CORO2A: variants seen among roughly 807,000 people sequenced by gnomAD.
CORO2A encodes coronin-2A.
In CORO2A, 47 loss-of-function variants were observed where a neutral mutation model predicts 62.4. That is an observed-to-expected ratio of 0.75 (90% CI 0.60 to 0.96). CORO2A has a LOEUF of 0.96. CORO2A is among the 40% of genes least tolerant of loss of function. The pLI, the probability that CORO2A is intolerant of heterozygous loss-of-function variation, is 0.00. For synonymous variants in CORO2A, 273 were observed against 268.9 expected (o/e 1.02, Z -0.15); for missense variants, 610 against 684.1 (o/e 0.89, Z 1.21).
chr9:98,152,464 A>AT (rs939983201), intron 2 of CORO2A, among the ~76,000 whole-genome samples: 1 of 151,522 alleles, frequency 6.6e-6, no homozygotes, highest in African/African-American at 2.4e-5. Flanking sequence ...TAATTTTTGC[A>AT]TTTTTTGTAG....
intron 1 of CORO2A, among the ~76,000 whole-genome samples, chr9:98,184,724 C>T (rs1390731162): frequency 1.3e-5 from 2 of 152,164 alleles, no homozygotes; most frequent in Non-Finnish European, 2.9e-5. Flanking sequence ...AAGCCACACC[C>T]AGGCACAGAA....
At chr9:98,166,479 G>A (rs1203347802) in intron 1 of CORO2A, among the ~76,000 whole-genome samples, 1 of 152,198 alleles carries the variant, frequency 6.6e-6, no homozygotes, top group African/African-American at 2.4e-5. Flanking sequence ...AGGTGTTAAT[G>A]TTGAGAATAT....
intron 2 of CORO2A, among the ~76,000 whole-genome samples, chr9:98,143,692 C>T (rs1349409312): frequency 6.6e-6 from 1 of 152,184 alleles, no homozygotes; most frequent in African/African-American, 2.4e-5. Flanking sequence ...CAGCTCATTA[C>T]CATTACCCAG....
intron 1 of CORO2A, among the ~76,000 whole-genome samples, chr9:98,160,907 G>T (rs1827875801): frequency 6.6e-6 from 1 of 152,182 alleles, no homozygotes; most frequent in Admixed American, 6.5e-5. Context: ...CATGAGACCT[G>T]CCTGTGACCC....
intron 2 of CORO2A, among the ~76,000 whole-genome samples, chr9:98,139,911 G>C (rs551910704): frequency 6.6e-6 from 1 of 152,254 alleles, no homozygotes; most frequent in African/African-American, 2.4e-5. Context: ...ATAGGTGCTG[G>C]GAGGGACATA....
intron 1 of CORO2A, among the ~76,000 whole-genome samples, chr9:98,179,136 G>C (rs983402486): frequency 6.6e-6 from 1 of 152,174 alleles, no homozygotes; most frequent in Admixed American, 6.5e-5. Flanking sequence ...AATCAAACCA[G>C]CTCTTGGGCT....
chr9:98,134,135 C>T (rs1827451146), intron 4 of CORO2A, among the ~76,000 whole-genome samples: 1 of 152,162 alleles, frequency 6.6e-6, no homozygotes, highest in Admixed American at 6.5e-5. Context: ...AACTGAAAGG[C>T]CATAGCTATG....
intron 1 of CORO2A, among the ~76,000 whole-genome samples, chr9:98,162,916 G>A (rs1827905475): frequency 6.6e-6 from 1 of 152,244 alleles, no homozygotes; most frequent in Non-Finnish European, 1.5e-5. Flanking sequence ...GGCCAGAACA[G>A]CCGATTCGAG....
At position 98,133,058 on chromosome 9, in the gene CORO2A, G is replaced by C. The variant is rs775356242; in HGVS notation, c.628C>G (p.Arg210Gly). Residue 210 changes from arginine to glycine, a missense_variant, in exon 5 of 12, where the codon CGA becomes GGA. Arg to Gly is a moderately radical substitution (Grantham distance 125). Transcript: ENST00000375077. ...KDRKIRVIDP[R>G]AGTVLQEASY... ...CTGACCTGGAGGACGGTCCCTGCTCGGGGGTCAATAACCCGAATCTTGCGG... is the reference window on the plus strand; with the variant it reads ...CTGACCTGGAGGACGGTCCCTGCTCCGGGGTCAATAACCCGAATCTTGCGG... 1 of 1,614,196 alleles carries C rather than the reference G, an allele frequency of 6.2e-7. No homozygotes were observed. The highest frequency in any genetic ancestry group is 1.6e-4 in the Middle Eastern group (1 of 6,062).
intron 8 of CORO2A, 53 bp downstream of exon 8, chr9:98,129,741 G>A (rs985998649): frequency 1.9e-5 from 26 of 1,399,710 alleles, no homozygotes; most frequent in Admixed American, 5.0e-5. Flanking sequence ...CTCCCACCTC[G>A]GCCTCCCGAA....
At chr9:98,157,269 A>G in intron 2 of CORO2A, 191 bp downstream of exon 2, 1 of 574,202 alleles carries the variant, frequency 1.7e-6, no homozygotes, top group South Asian at 2.3e-5. Context: ...CAACTGCTAG[A>G]GGCTAAAATT....
chr9:98,125,864 C>T (rs988130912), intron 11 of CORO2A, among the ~76,000 whole-genome samples: 6 of 149,468 alleles, frequency 4.0e-5, no homozygotes, highest in African/African-American at 7.4e-5. Context: ...ACTACAGGCA[C>T]GCACCACCAT....
chr9:98,137,875 T>G (rs1827510092), intron 2 of CORO2A, among the ~76,000 whole-genome samples, 187 bp from the exon 3 acceptor site: 1 of 152,210 alleles, frequency 6.6e-6, no homozygotes, highest in Admixed American at 6.5e-5. Context: ...TGAGCTCTGG[T>G]GTCCTCCTCA....
At chr9:98,182,786 T>A (rs930449558) in intron 1 of CORO2A, among the ~76,000 whole-genome samples, 1 of 152,240 alleles carries the variant, frequency 6.6e-6, no homozygotes, top group African/African-American at 2.4e-5. Context: ...AAGAGTCTAA[T>A]TGGGGACCCG....
chr9:98,131,840 A>G (rs549918543), intron 6 of CORO2A, among the ~76,000 whole-genome samples: 3 of 151,540 alleles, frequency 2.0e-5, no homozygotes, highest in Admixed American at 1.3e-4. Flanking sequence ...TTCTCCCCAT[A>G]CCCGTTAGTA....
chr9:98,141,036 G>C (rs961224615), intron 2 of CORO2A, among the ~76,000 whole-genome samples: 2 of 152,064 alleles, frequency 1.3e-5, no homozygotes, highest in Non-Finnish European at 2.9e-5. Context: ...AGGGATGAAG[G>C]GCTAAGATGG....
rs758042497 is a variant in CORO2A at position 98,128,742 on chromosome 9, A to C, written c.968-23T>G. 3.1e-6 allele frequency: 5 copies of C among 1,605,852 alleles called. No homozygotes were observed. In the African/African-American group the frequency reaches 5.3e-5, roughly 17 times the overall value. ...CACCTGAAGGCAGACAGGGAGGGCC[A>C]AGAGGTTCTGGCTAGGCTGGGGCCA... On this transcript the variant is annotated intron_variant, in intron 8 of 11. Transcript: ENST00000375077.
At chr9:98,158,172 A>G (rs776566509) in intron 1 of CORO2A, among the ~76,000 whole-genome samples, 2 of 152,208 alleles carry the variant, frequency 1.3e-5, no homozygotes, top group Non-Finnish European at 1.5e-5. Flanking sequence ...TCAGCTAGGC[A>G]TGGCAGCTCA....
chr9:98,178,079 C>A (rs925205019), intron 1 of CORO2A, among the ~76,000 whole-genome samples: 13 of 151,974 alleles, frequency 8.6e-5, no homozygotes, highest in Non-Finnish European at 1.5e-5. Context: ...CAGAGTCTCG[C>A]TCTGTCGCCT....
Sources: allele counts gnomAD v4.1 joint callset (sites outside exome capture counted in the v4.1 genomes callset), GRCh38; gene constraint gnomAD v4.1.1; transcripts MANE v1.5; gene names NCBI Gene and HGNC (gene_info 2026-07-23, HGNC 2026-07-21).